TAF6L: variants seen among roughly 807,000 people sequenced by gnomAD.
TAF6L encodes the protein TAF6-like RNA polymerase II p300/CBP-associated factor-associated factor 65 kDa subunit 6L.
Under a neutral mutation model 57.3 loss-of-function variants are expected in TAF6L, and 34 were observed. That is an observed-to-expected ratio of 0.59 (90% CI 0.45 to 0.79). The LOEUF (loss-of-function observed/expected upper bound fraction) is 0.79, where lower values mean the gene tolerates loss of function less well. Ranked by LOEUF, TAF6L falls within the 30% of genes least tolerant of loss-of-function variation. The pLI, the probability that TAF6L is intolerant of heterozygous loss-of-function variation, is 0.00. For synonymous variants in TAF6L, 417 were observed against 376.3 expected (o/e 1.11, Z -1.25); for missense variants, 782 against 853.2 (o/e 0.92, Z 1.04).
chr11:62,781,400 G>A (rs147301349), intron 6 of TAF6L, among the ~76,000 whole-genome samples: 6 of 151,666 alleles, frequency 4.0e-5, no homozygotes, highest in East Asian at 2.0e-4. Flanking sequence ...ATGGCCGGGC[G>A]CGGTGGCTCA....
chr11:62,780,942 A>C (rs1188374551), intron 6 of TAF6L, among the ~76,000 whole-genome samples: 21 of 140,136 alleles, frequency 1.5e-4, no homozygotes, highest in African/African-American at 5.7e-4. Context: ...ATCTCAAAAA[A>C]AAAAAAAAAA....
rs963971511 is a variant in TAF6L, at chr11:62,771,685, C to G, written c.-14+195C>G. ...GGGCTAGGCCGGGTGGGAGGATGCGCGTTGCCGAGGCCCGGCCCGCGGAGG... is the reference window on the plus strand; with the variant it reads ...GGGCTAGGCCGGGTGGGAGGATGCGGGTTGCCGAGGCCCGGCCCGCGGAGG... On this transcript the variant is annotated intron_variant, in intron 1 of 10. Transcript: ENST00000294168. 2.1e-5 allele frequency: 4 copies of G among 193,566 alleles called. No homozygotes were observed. The South Asian group carries it at 3.0e-4, about 15-fold the overall frequency. The allele number at this position is 193,566 out of a possible 1,614,324, so 12.0% of individuals were successfully genotyped here. A position where few individuals can be genotyped will look rare whatever the true frequency, so the allele number is the denominator to read the frequency against.
chr11:62,777,888 C>T (rs367890257), intron 3 of TAF6L, 90 bp from the exon 4 acceptor site: 1 of 1,477,820 alleles, frequency 6.8e-7, no homozygotes, highest in African/African-American at 1.4e-5. Context: ...AACGTGGGCT[C>T]TCTGCTCTGG....
intron 1 of TAF6L, among the ~76,000 whole-genome samples, chr11:62,775,402 A>G (rs1187028800): frequency 6.6e-6 from 1 of 152,172 alleles, no homozygotes; most frequent in Non-Finnish European, 1.5e-5. Context: ...CATATCAGTC[A>G]TCTCATTTTC....
In TAF6L at chr11:62,786,922, G is replaced by C. The variant is rs1291294081; in HGVS notation, c.1495G>C (p.Asp499His). 2.0e-6 allele frequency: 3 copies of C among 1,492,402 alleles called. No homozygotes were observed. The East Asian group carries it at 8.2e-5, about 41-fold the overall frequency. 92.4% of individuals were successfully genotyped at this position (1,492,402 alleles called of 1,614,324 possible). A position where few individuals can be genotyped will look rare whatever the true frequency, so the allele number is the denominator to read the frequency against. ...AAGCGCCATAGTCAGCCCGCACGGC[G>C]ACGAGAGCCCCCGGGGCAGCGGCGG... ...TASAIVSPHG[D>H]ESPRGSGGGG... Residue 499 changes from aspartate (D) to histidine (H), a missense_variant, in exon 11 of 11, where the codon GAC becomes CAC. Physicochemically the swap from Asp to His is moderately conservative, Grantham distance 81. Around this residue, in one of 3 missense-constraint regions of TAF6L, gnomAD observed 483 missense variants for 445.1 expected, o/e 1.09. Coordinates refer to ENST00000294168, the MANE Select transcript of TAF6L (RefSeq NM_006473.4).
chr11:62,778,761 G>C (rs532239049), intron 5 of TAF6L, 108 bp from the exon 6 acceptor site: 7 of 947,062 alleles, frequency 7.4e-6, no homozygotes, highest in Admixed American at 7.0e-5. Flanking sequence ...TGTCAGAAAG[G>C]CTTCTTGTGG....
chr11:62,779,946 G>A (rs1445860513), intron 6 of TAF6L, among the ~76,000 whole-genome samples: 4 of 136,138 alleles, frequency 2.9e-5, no homozygotes, highest in African/African-American at 5.5e-5. Context: ...GATTACAGGC[G>A]TGAGCCTATA....
chr11:62,773,612 T>C (rs975120631), intron 1 of TAF6L, among the ~76,000 whole-genome samples: 3 of 152,228 alleles, frequency 2.0e-5, no homozygotes, highest in Non-Finnish European at 2.9e-5. Context: ...CACACCTGGC[T>C]AATTTTGTAT....
In TAF6L at chr11:62,779,098, G is replaced by C. The variant is rs573140961; in HGVS notation, c.531+135G>C. The C allele has an allele frequency of 4.4e-5, 29 of 665,276 alleles. No homozygotes were observed. In the African/African-American group the frequency reaches 4.5e-4, roughly 10 times the overall value. 41.2% of individuals were successfully genotyped at this position (665,276 alleles called of 1,614,324 possible). On this transcript the variant is annotated intron_variant, in intron 6 of 10. Coordinates refer to ENST00000294168, the MANE Select transcript of TAF6L (RefSeq NM_006473.4). ...TGCAATGGCATGATCTCAGCTCACC[G>C]CACCCTCTGCCTCCCAGGTTCAAGT... is the stretch of plus-strand genomic sequence containing the variant.
At chr11:62,785,665 G>A (rs1233301971) in intron 9 of TAF6L, among the ~76,000 whole-genome samples, 1 of 151,756 alleles carries the variant, frequency 6.6e-6, no homozygotes, top group Non-Finnish European at 1.5e-5. Context: ...CTCCCAAGTA[G>A]TTGAGATTAC....
chr11:62,777,844 C>T, intron 3 of TAF6L, 134 bp from the exon 4 acceptor site: 1 of 1,094,892 alleles, frequency 9.1e-7, no homozygotes, highest in Non-Finnish European at 1.3e-6. Context: ...CCCAGGCTTC[C>T]ACCACTTTTC....
Position 62,778,295 on chromosome 11 carries a change from C to T in TAF6L, c.396C>T (p.Ser132=). ...CTGCACTGCTTCTAGTTCATGTCTC[C>T]TACCTGGATGGCAAAGGGAACCTGG... ...CAETAVRVHV[S]YLDGKGNLAP... is the part of the protein sequence containing the mutation. Residue 132 remains serine (S), a synonymous_variant, in exon 5 of 11, where the codon TCC becomes TCT. Coordinates refer to ENST00000294168, the MANE Select transcript of TAF6L (RefSeq NM_006473.4). 6.2e-7 allele frequency: 1 copy of T among 1,614,170 alleles called. No individual in the cohort carries two copies. The highest frequency in any genetic ancestry group is 8.5e-7 in the Non-Finnish European group (1 of 1,180,036).
At position 62,778,158 on chromosome 11, in the gene TAF6L, G is replaced by T. The variant is rs757715993; in HGVS notation, c.385+30G>T. The T allele has an allele frequency of 6.8e-6, 11 of 1,614,010 alleles. No individual in the cohort carries two copies. The Admixed American group carries it at 1.8e-4, about 27-fold the overall frequency. ...CTGCCGGGGTCCTGCATGGGTTGGG[G>T]ATGGGAGTTGGGCCGTGAAGAGAAG... On this transcript the variant is annotated intron_variant, in intron 4 of 10. Transcript: ENST00000294168.
At chr11:62,778,244 G>A in intron 4 of TAF6L, 41 bp from the exon 5 acceptor site, 1 of 1,613,986 alleles carries the variant, frequency 6.2e-7, no homozygotes, top group East Asian at 2.2e-5. Flanking sequence ...ACTCTAAGGG[G>A]CAAAACGCCA....
chr11:62,786,772 G>A lies in TAF6L; in HGVS notation c.1345G>A (p.Gly449Ser), dbSNP rs1253807346. The A allele has an allele frequency of 1.9e-6, 3 of 1,612,462 alleles. No homozygotes were observed. The highest frequency in any genetic ancestry group is 1.7e-5 in the Admixed American group (1 of 60,008). ...DIYRELYAFFGDSLATRFGTG... is the reference protein window; with the variant it reads ...DIYRELYAFFSDSLATRFGTG... The stretch of plus-strand genomic sequence containing the variant: ...CTACCGGGAGCTCTACGCCTTCTTC[G>A]GTGACAGCTTGGCCACACGCTTTGG... Residue 449 changes from glycine to serine, a missense_variant, in exon 11 of 11, where the codon GGT becomes AGT. Gly to Ser is a moderately conservative substitution (Grantham distance 56). Around this residue, in one of 3 missense-constraint regions of TAF6L, gnomAD observed 483 missense variants for 445.1 expected, o/e 1.09. Transcript: ENST00000294168.
intron 5 of TAF6L, 49 bp downstream of exon 5, chr11:62,778,384 A>C (rs372139238): frequency 2.6e-4 from 411 of 1,608,346 alleles, no homozygotes; most frequent in Non-Finnish European, 3.4e-4. Flanking sequence ...TTTCTCCCTT[A>C]GGTTCTGAGG....
rs2084189582 is a variant in TAF6L, at chr11:62,776,535, G to T, written c.234+65G>T. ...AGGCCACTTCCATGTCCAGTTCAGG[G>T]CTGGCGATGTGGTGAGACATTAAGA... On this transcript the variant is annotated intron_variant, in intron 3 of 10. Transcript: ENST00000294168. The T allele has an allele frequency of 2.8e-5, 43 of 1,524,952 alleles. 1 individual carries two copies. The South Asian group carries it at 4.3e-4, about 15-fold the overall frequency. 94.5% of individuals were successfully genotyped at this position (1,524,952 alleles called of 1,614,324 possible).
intron 1 of TAF6L, chr11:62,772,097 A>T: frequency 2.2e-6 from 1 of 456,276 alleles, no homozygotes; most frequent in South Asian, 1.5e-5. Flanking sequence ...TGGAGAAGTC[A>T]TGGAACATTT....
chr11:62,777,895 C>T, intron 3 of TAF6L, 83 bp from the exon 4 acceptor site: 1 of 1,514,580 alleles, frequency 6.6e-7, no homozygotes. Context: ...GCTCTCTGCT[C>T]TGGTCAGTGG....
Sources: allele counts gnomAD v4.1 joint callset (sites outside exome capture counted in the v4.1 genomes callset), GRCh38; gene constraint gnomAD v4.1.1; regional missense constraint gnomAD v4.1.1; transcripts MANE v1.5; gene names NCBI Gene and HGNC (gene_info 2026-07-23, HGNC 2026-07-21).